CNTNAP2: variants seen among roughly 807,000 people sequenced by gnomAD.
CNTNAP2 encodes the protein contactin-associated protein-like 2.
In CNTNAP2, 98 loss-of-function variants were observed where a neutral mutation model predicts 155.2. The ratio of observed to expected loss-of-function variants is 0.63; its 90% confidence interval spans 0.54 to 0.75. The LOEUF (loss-of-function observed/expected upper bound fraction) is 0.75, where lower values mean the gene tolerates loss of function less well. Among genes scored for constraint, CNTNAP2 ranks in the 30% least tolerant of loss-of-function variants. The probability of loss-of-function intolerance (pLI) is 0.00; values close to 1 mark genes in which losing one functional copy is unlikely to be tolerated. For missense variants in CNTNAP2, 1,727 were observed against 1,688.1 expected (o/e 1.02, Z -0.40); for synonymous variants, 651 against 631.2 (o/e 1.03, Z -0.47).
Position 146,436,146 on chromosome 7 carries a change from A to G in CNTNAP2, c.97+319173A>G, listed in dbSNP as rs191751826. On this transcript the variant is annotated intron_variant, in intron 1 of 23. Coordinates refer to ENST00000361727, the MANE Select transcript of CNTNAP2 (RefSeq NM_014141.6). ...TAATTACCTATAACTAGCACCATGT[A>G]TCTCTCCTAGCAATACTCTTAGAAT... Among the ~76,000 whole-genome samples the G allele has an allele frequency of 2.5e-4, 38 of 152,264 alleles. No homozygotes were observed. The East Asian group carries it at 7.3e-3, about 29-fold the overall frequency.
At chr7:148,244,183 G>T (rs1270385108) in intron 20 of CNTNAP2, among the ~76,000 whole-genome samples, 1 of 152,112 alleles carries the variant, frequency 6.6e-6, no homozygotes, top group East Asian at 1.9e-4. Context: ...TGGGGGCCAG[G>T]TGTTCTGTTT....
At chr7:147,711,884 G>A (rs1191998238) in intron 13 of CNTNAP2, among the ~76,000 whole-genome samples, 1 of 152,138 alleles carries the variant, frequency 6.6e-6, no homozygotes, top group African/African-American at 2.4e-5. Flanking sequence ...GAATAATCAA[G>A]TGAAAATACT....
chr7:146,329,340 T>C (rs564565714), intron 1 of CNTNAP2, among the ~76,000 whole-genome samples: 7 of 152,186 alleles, frequency 4.6e-5, no homozygotes, highest in Non-Finnish European at 7.4e-5. Flanking sequence ...ATCCTCTCCA[T>C]AAGTGGCTAT....
chr7:146,829,812 C>T (rs926880457), intron 2 of CNTNAP2, among the ~76,000 whole-genome samples: 80 of 152,010 alleles, frequency 5.3e-4, no homozygotes, highest in African/African-American at 1.9e-3. Flanking sequence ...TGAGTTTCCA[C>T]ATCATTCTGG....
chr7:147,920,097 G>A (rs1800244691), intron 14 of CNTNAP2, among the ~76,000 whole-genome samples: 1 of 151,520 alleles, frequency 6.6e-6, no homozygotes, highest in South Asian at 2.1e-4. Context: ...GGTGGCTCAT[G>A]CCTGTAATCC....
intron 21 of CNTNAP2, among the ~76,000 whole-genome samples, chr7:148,269,683 G>A (rs1354378206): frequency 6.6e-6 from 1 of 152,218 alleles, no homozygotes; most frequent in African/African-American, 2.4e-5. Flanking sequence ...GTCATTCATG[G>A]TGAAGCTCCA....
chr7:146,430,105 G>A (rs1164677171), intron 1 of CNTNAP2, among the ~76,000 whole-genome samples: 5 of 151,996 alleles, frequency 3.3e-5, no homozygotes, highest in African/African-American at 1.2e-4. Flanking sequence ...TTGATGTGCT[G>A]CTAGATTCAG....
intron 13 of CNTNAP2, among the ~76,000 whole-genome samples, chr7:147,718,419 G>A (rs1796514033): frequency 6.6e-6 from 1 of 152,032 alleles, no homozygotes; most frequent in South Asian, 2.1e-4. Context: ...TGGAAAATAT[G>A]TATTCTGCCT....
At chr7:147,063,288 T>A (rs1799717971) in intron 4 of CNTNAP2, among the ~76,000 whole-genome samples, 1 of 152,200 alleles carries the variant, frequency 6.6e-6, no homozygotes, top group Admixed American at 6.5e-5. Flanking sequence ...TTGCATGTAA[T>A]AGATATTCTT....
At chr7:146,347,990 C>A (rs1467902662) in intron 1 of CNTNAP2, among the ~76,000 whole-genome samples, 1 of 152,118 alleles carries the variant, frequency 6.6e-6, no homozygotes, top group African/African-American at 2.4e-5. Context: ...TATTAACGGC[C>A]CTGCGAGACT....
chr7:147,797,575 T>A (rs1048729116), intron 13 of CNTNAP2, among the ~76,000 whole-genome samples: 1 of 152,100 alleles, frequency 6.6e-6, no homozygotes, highest in African/African-American at 2.4e-5. Flanking sequence ...TCAAAATAAG[T>A]TTTAGAAACA....
chr7:146,849,502 A>T (rs1794831030), intron 3 of CNTNAP2, among the ~76,000 whole-genome samples: 1 of 152,206 alleles, frequency 6.6e-6, no homozygotes, highest in African/African-American at 2.4e-5. Flanking sequence ...ATAGAACAAG[A>T]TAGCATGGGC....
intron 1 of CNTNAP2, among the ~76,000 whole-genome samples, chr7:146,328,417 G>A (rs7778737): frequency 0.2 from 31,036 of 151,870 alleles, 8,764 homozygotes; most frequent in African/African-American, 0.64. Context: ...AAGAAACAAC[G>A]TATATATTTA....
chr7:147,363,578 G>T (rs60048878), intron 9 of CNTNAP2, among the ~76,000 whole-genome samples: 2 of 151,968 alleles, frequency 1.3e-5, no homozygotes, highest in African/African-American at 4.8e-5. Flanking sequence ...CAAATTCATG[G>T]ATCTGTATAA....
intron 11 of CNTNAP2, among the ~76,000 whole-genome samples, chr7:147,506,600 C>T (rs1048389519): frequency 3.3e-5 from 5 of 152,158 alleles, no homozygotes; most frequent in African/African-American, 1.2e-4. Context: ...TGCTAATCAA[C>T]CCCTGGCCCT....
At chr7:146,892,896 C>T (rs576953827) in intron 3 of CNTNAP2, among the ~76,000 whole-genome samples, 12 of 152,224 alleles carry the variant, frequency 7.9e-5, no homozygotes, top group Admixed American at 5.9e-4. Context: ...AACTTCTGAT[C>T]GTAATCTTCT....
At chr7:147,632,891 A>T (rs990981766) in intron 12 of CNTNAP2, among the ~76,000 whole-genome samples, 1 of 152,236 alleles carries the variant, frequency 6.6e-6, no homozygotes, top group African/African-American at 2.4e-5. Context: ...TGGGAACTGG[A>T]GTAAAAGTGA....
At chr7:146,617,872 A>G (rs1327137538) in intron 1 of CNTNAP2, among the ~76,000 whole-genome samples, 1 of 152,168 alleles carries the variant, frequency 6.6e-6, no homozygotes, top group Non-Finnish European at 1.5e-5. Context: ...GACTATGATA[A>G]AATACTCAAA....
chr7:148,211,813 G>T (rs1327096683), intron 18 of CNTNAP2, among the ~76,000 whole-genome samples: 1 of 152,138 alleles, frequency 6.6e-6, no homozygotes, highest in African/African-American at 2.4e-5. Context: ...CATTTGTGAA[G>T]TCTCCTGGCA....
Sources: gnomAD v4.1 joint callset for allele counts (sites outside exome capture counted in the v4.1 genomes callset) on GRCh38, gnomAD v4.1.1 for gene constraint, MANE v1.5 for transcripts, NCBI Gene and HGNC (gene_info 2026-07-23, HGNC 2026-07-21) for gene names.